The following ELAVL3 variants were observed in gnomAD, a reference collection of about 807,000 sequenced individuals.
ELAVL3 encodes ELAV like RNA binding protein 3, also known as ELAV-like protein 3.
Under a neutral mutation model 34.2 loss-of-function variants are expected in ELAVL3, and 8 were observed. The ratio of observed to expected loss-of-function variants is 0.23; its 90% CI spans 0.14 to 0.42. ELAVL3 has a LOEUF of 0.42. Among genes scored for constraint, ELAVL3 ranks in the 10% least tolerant of loss-of-function variants. The pLI is 1.00. For missense variants in ELAVL3, 273 were observed against 518.8 expected (o/e 0.53, Z 4.60); for synonymous variants, 209 against 222.1 (o/e 0.94, Z 0.53).
At chr19:11,467,380 C>T (rs1257766819) in intron 1 of ELAVL3, among the ~76,000 whole-genome samples, 1 of 151,900 alleles carries the variant, frequency 6.6e-6, no homozygotes, top group Non-Finnish European at 1.5e-5. Context: ...CGAGATTGCG[C>T]CATTGCACTC....
intron 1 of ELAVL3, among the ~76,000 whole-genome samples, chr19:11,468,537 T>G (rs1259363813): frequency 6.6e-6 from 1 of 151,658 alleles, no homozygotes; most frequent in Non-Finnish European, 1.5e-5. Context: ...GCCTCAGCCT[T>G]CCAAGTAGCT....
intron 1 of ELAVL3, among the ~76,000 whole-genome samples, chr19:11,476,249 A>C (rs985283708): frequency 6.6e-6 from 1 of 152,186 alleles, no homozygotes; most frequent in Non-Finnish European, 1.5e-5. Flanking sequence ...TCCTTTCTCC[A>C]TTTAATACAC....
chr19:11,464,960 C>T (rs554125791), intron 3 of ELAVL3, among the ~76,000 whole-genome samples: 210 of 120,156 alleles, frequency 1.7e-3, no homozygotes, highest in Middle Eastern at 6.5e-3. Flanking sequence ...ACCACACACA[C>T]GCACCAGACA....
intron 3 of ELAVL3, among the ~76,000 whole-genome samples, chr19:11,462,284 G>A (rs1382571266): frequency 1.3e-5 from 2 of 150,468 alleles, no homozygotes; most frequent in African/African-American, 2.5e-5. Context: ...TGTGCACCTG[G>A]GGTTCTCCAG....
Position 11,454,406 on chromosome 19 carries a change from C to T in ELAVL3, c.*120G>A, listed in dbSNP as rs1599525424. The T allele has an allele frequency of 2.0e-6, 2 of 1,017,982 alleles. No individual in the cohort carries two copies. Among genetic ancestry groups the T allele is most frequent in the East Asian group, 2.6e-5 (1 of 38,074 alleles). 63.1% of individuals were successfully genotyped at this position (1,017,982 alleles called of 1,614,324 possible). On this transcript the variant is annotated 3_prime_UTR_variant, in exon 7 of 7. Transcript: ENST00000359227. This position sits in a 1 kb window ranked among gnomAD's most constrained non-coding sequence, Gnocchi z 9.2. ...GGCTTCCGCAGGGACGTGGGGCCCT[C>T]GCGTCGTCCGTGGGGCTGCCTGTGC...
rs1187078592 is a variant in ELAVL3 at position 11,480,853 on chromosome 19, G to A, written c.-245C>T. 2.7e-6 allele frequency: 1 copy of A among 376,308 alleles called. No individual in the cohort carries two copies. Among genetic ancestry groups the A allele is most frequent in the East Asian group, 3.9e-5 (1 of 25,734 alleles). The allele number at this position is 376,308 out of a possible 1,614,324, so 23.3% of individuals were successfully genotyped here. On this transcript the variant is annotated 5_prime_UTR_variant, in exon 1 of 7. Coordinates refer to ENST00000359227, the MANE Select transcript of ELAVL3 (RefSeq NM_001420.4). The surrounding 1 kb of genome is among the most constrained non-coding windows in gnomAD (Gnocchi z 6.8). ...GCGGCAGGGGATGGAAAGAGGGAGC[G>A]GGCGCGGGGTTGAGGACGCCCCCTG... is the stretch of plus-strand genomic sequence containing the variant.
Position 11,454,817 on chromosome 19 carries a change from C to T in ELAVL3, c.813G>A (p.Ala271=), listed in dbSNP as rs546123062. 7.5e-6 allele frequency: 12 copies of T among 1,610,614 alleles called. No homozygotes were observed. Among genetic ancestry groups the T allele is most frequent in the East Asian group, 2.2e-5 (1 of 44,832 alleles). The stretch of plus-strand genomic sequence containing the variant: ...CCGCGCCCCCCGACAGGCCCACGCC[C>T]GCCAGGCCGCTCATACCATCGATGG... ...PIAIDGMSGL[A]GVGLSGGAAG... The change falls in exon 7 of 7, where the codon GCG becomes GCA. Residue 271 remains alanine (A), a synonymous_variant. Transcript: ENST00000359227. The surrounding 1 kb of genome is among the most constrained non-coding windows in gnomAD (Gnocchi z 9.2).
At chr19:11,464,244 C>CT (rs1970963407) in intron 3 of ELAVL3, among the ~76,000 whole-genome samples, 1 of 8 alleles carries the variant, frequency 0.12, no homozygotes, top group South Asian at 0.5. Flanking sequence ...TCACTGTAGC[C>CT]TCGCCGCCTC....
At chr19:11,462,064 A>T (rs1970896976) in intron 3 of ELAVL3, among the ~76,000 whole-genome samples, 1 of 150,410 alleles carries the variant, frequency 6.6e-6, no homozygotes, top group Admixed American at 6.7e-5. Flanking sequence ...AATCCCAGCT[A>T]CTCGGGAGGC....
Position 11,480,757 on chromosome 19 carries a change from C to T in ELAVL3, c.-149G>A, listed in dbSNP as rs149961193. 8,874 of 715,556 alleles carry T rather than the reference C, an allele frequency of 0.012. 73 individuals carry two copies. The highest frequency in any genetic ancestry group is 0.014 in the Non-Finnish European group (7,088 of 497,552). 44.3% of individuals were successfully genotyped at this position (715,556 alleles called of 1,614,324 possible). On this transcript the variant is annotated 5_prime_UTR_variant, in exon 1 of 7. Coordinates refer to ENST00000359227, the MANE Select transcript of ELAVL3 (RefSeq NM_001420.4). The surrounding 1 kb of genome is among the most constrained non-coding windows in gnomAD (Gnocchi z 6.8). ...ATGTGGCGATGAAGGCGGCGGCTCC[C>T]TCGAGGGCCAGGGACGGGCCCGAAC...
Position 11,453,938 on chromosome 19 carries a change from T to G in ELAVL3, c.*588A>C, listed in dbSNP as rs1422730634. 1 of 152,428 alleles carries G rather than the reference T, an allele frequency of 6.6e-6. No individual in the cohort carries two copies. The highest frequency in any genetic ancestry group is 1.5e-5 in the Non-Finnish European group (1 of 67,950). 9.4% of individuals were successfully genotyped at this position (152,428 alleles called of 1,614,324 possible). On this transcript the variant is annotated 3_prime_UTR_variant, in exon 7 of 7. Coordinates refer to ENST00000359227, the MANE Select transcript of ELAVL3 (RefSeq NM_001420.4). Reference sequence around the variant, plus strand: ...TTCCCTTTTTACAAAAATAGAGTTTTTCTTCCCCTCCCACCCCCCTTTTTT... The same window carrying G: ...TTCCCTTTTTACAAAAATAGAGTTTGTCTTCCCCTCCCACCCCCCTTTTTT...
At position 11,454,357 on chromosome 19, in the gene ELAVL3, C is replaced by T; in HGVS notation, c.*169G>A. ...ACCCCCCCAATTCCCTGCAGACCCT[C>T]CCACCCCAGAGTGCTCACCCTGTGG... On this transcript the variant is annotated 3_prime_UTR_variant, in exon 7 of 7. Transcript: ENST00000359227. The surrounding 1 kb of genome is among the most constrained non-coding windows in gnomAD (Gnocchi z 9.2). The T allele has an allele frequency of 1.5e-6, 1 of 666,480 alleles. No individual in the cohort carries two copies. Among genetic ancestry groups the T allele is most frequent in the Non-Finnish European group, 2.5e-6 (1 of 400,650 alleles). 41.3% of individuals were successfully genotyped at this position (666,480 alleles called of 1,614,324 possible). A position where few individuals can be genotyped will look rare whatever the true frequency, so the allele number is the denominator to read the frequency against.
In ELAVL3 at chr19:11,458,207, C is replaced by G. The variant is rs770134234; in HGVS notation, c.567G>C (p.Gln189His). ...TGGGCTCAGCTGCGCCCAGCGGCTT[C>G]TGCCCATTCAGTCCTTTGATAGCCT... ...AEEAIKGLNG[Q>H]KPLGAAEPIT... Residue 189 changes from glutamine to histidine, a missense_variant, in exon 5 of 7, where the codon CAG (glutamine) becomes CAC (histidine). Coordinates refer to ENST00000359227, the MANE Select transcript of ELAVL3 (RefSeq NM_001420.4). This position sits in a 1 kb window ranked among gnomAD's most constrained non-coding sequence, Gnocchi z 7.3. 6.2e-7 allele frequency: 1 copy of G among 1,614,070 alleles called. No individual in the cohort carries two copies. Among genetic ancestry groups the G allele is most frequent in the Non-Finnish European group, 8.5e-7 (1 of 1,180,026 alleles).
chr19:11,455,961 C>T (rs1454547881), intron 6 of ELAVL3, among the ~76,000 whole-genome samples: 4 of 152,168 alleles, frequency 2.6e-5, no homozygotes, highest in Admixed American at 1.3e-4. Context: ...ATCCTGACCA[C>T]GAGGAACAAA....
intron 1 of ELAVL3, among the ~76,000 whole-genome samples, chr19:11,468,717 C>T (rs757255352): frequency 3.3e-5 from 5 of 152,190 alleles, no homozygotes; most frequent in South Asian, 2.1e-4. Flanking sequence ...TGAGCCACCA[C>T]GCCCGGCCCT....
Position 11,451,561 on chromosome 19 carries a change from C to T in ELAVL3, c.*2965G>A, listed in dbSNP as rs1970634210. On this transcript the variant is annotated 3_prime_UTR_variant, in exon 7 of 7. Coordinates refer to ENST00000359227, the MANE Select transcript of ELAVL3 (RefSeq NM_001420.4). Reference sequence around the variant, plus strand: ...ACATGGACTCTGTCGTGATTTGAAACCTTCCGAATAAATAACAGGATGAAG... The same window carrying T: ...ACATGGACTCTGTCGTGATTTGAAATCTTCCGAATAAATAACAGGATGAAG... 1 of 134,994 alleles carries T rather than the reference C, an allele frequency of 7.4e-6. No individual in the cohort carries two copies. Among genetic ancestry groups the T allele is most frequent in the Non-Finnish European group, 1.5e-5 (1 of 64,970 alleles). The allele number at this position is 134,994 out of a possible 1,614,324, so 8.4% of individuals were successfully genotyped here.
rs142817320 is a variant in ELAVL3, at chr19:11,458,561, G to A, written c.384C>T (p.Tyr128=). 8 of 1,613,976 alleles carry A rather than the reference G, an allele frequency of 5.0e-6. No individual in the cohort carries two copies. The highest frequency in any genetic ancestry group is 1.7e-5 in the Admixed American group (1 of 60,004). The change falls in exon 4 of 7, where the codon TAC becomes TAT. Residue 128 remains tyrosine, a synonymous_variant. Coordinates refer to ENST00000359227, the MANE Select transcript of ELAVL3 (RefSeq NM_001420.4). This position sits in a 1 kb window ranked among gnomAD's most constrained non-coding sequence, Gnocchi z 7.3. ...TCATGGTCTTGGGGAGCCCGCTGAC[G>A]TACAGGTTAGCATCCCGGATGGATG... ...SSASIRDANL[Y]VSGLPKTMSQ... is the part of the protein sequence containing the mutation.
Position 11,451,780 on chromosome 19 carries a change from T to G in ELAVL3, c.*2746A>C, listed in dbSNP as rs1970644286. Reference sequence around the variant, plus strand: ...AGAAGTCCCCTCCCAGTCTTGGGGGTGGCAGGGGCCTAGGCCTCGGTGGGG... The same window carrying G: ...AGAAGTCCCCTCCCAGTCTTGGGGGGGGCAGGGGCCTAGGCCTCGGTGGGG... On this transcript the variant is annotated 3_prime_UTR_variant, in exon 7 of 7. Transcript: ENST00000359227. 2 of 143,974 alleles carry G rather than the reference T, an allele frequency of 1.4e-5. No individual in the cohort carries two copies. Among genetic ancestry groups the G allele is most frequent in the African/African-American group, 2.7e-5 (1 of 37,726 alleles). The allele number at this position is 143,974 out of a possible 1,614,324, so 8.9% of individuals were successfully genotyped here.
chr19:11,470,322 T>G (rs1157179117), intron 1 of ELAVL3, among the ~76,000 whole-genome samples: 1 of 151,932 alleles, frequency 6.6e-6, no homozygotes, highest in African/African-American at 2.4e-5. Flanking sequence ...GCCATTGCAC[T>G]CCAGGCTGGG....
Sources: gnomAD v4.1 joint callset for allele counts (sites outside exome capture counted in the v4.1 genomes callset) on GRCh38, gnomAD v4.1.1 for gene constraint, Gnocchi (gnomAD v3.1) non-coding constraint, MANE v1.5 for transcripts, NCBI Gene and HGNC (gene_info 2026-07-23, HGNC 2026-07-21) for gene names.